The following KLHDC4 variants were observed in gnomAD, a reference collection of about 807,000 sequenced individuals.
KLHDC4 encodes kelch domain-containing protein 4.
In KLHDC4, 90 loss-of-function variants were observed where a neutral mutation model predicts 62.4. The ratio of observed to expected loss-of-function variants is 1.44; its 90% confidence interval spans 1.22 to 1.72. The LOEUF (loss-of-function observed/expected upper bound fraction) is 1.72, where lower values mean the gene tolerates loss of function less well. KLHDC4 is among the 40% of genes most tolerant of loss of function. The pLI is 0.00. For missense variants in KLHDC4, 1,025 were observed against 699.7 expected, an observed-to-expected ratio of 1.47 and a Z score of -5.25; for synonymous variants, 386 against 284.4, an observed-to-expected ratio of 1.36 and a Z score of -3.59.
At chr16:87,707,446 G>A (rs543661313), downstream of KLHDC4, among the ~76,000 whole-genome samples, 32 of 152,252 alleles carry the variant, frequency 2.1e-4, no homozygotes, top group South Asian at 6.2e-4. Context: ...CGCTGCACAC[G>A]AGGAGCCCCC....
chr16:87,751,233 T>C (rs756882407), intron 4 of KLHDC4, among the ~76,000 whole-genome samples: 28 of 152,212 alleles, frequency 1.8e-4, no homozygotes, highest in Non-Finnish European at 3.5e-4. Flanking sequence ...TCCAGTGCTT[T>C]GGGAGGCCGA....
chr16:87,714,346 C>CCG, intron 8 of KLHDC4, 152 bp downstream of exon 8: 1 of 495,324 alleles, frequency 2.0e-6, no homozygotes, highest in Non-Finnish European at 3.0e-6. Context: ...TCCCACCCGG[C>CCG]CCACCCCGAA....
chr16:87,734,985 GACGA>G (rs1241024140), intron 5 of KLHDC4, among the ~76,000 whole-genome samples: 1 of 72,664 alleles, frequency 1.4e-5, no homozygotes, highest in Non-Finnish European at 2.6e-5. Context: ...TCCCCCTCCT[GACGA>G]ATTGCCTGAC....
At position 87,755,201 on chromosome 16, in the gene KLHDC4, G is replaced by A; in HGVS notation, c.362C>T (p.Ala121Val). ...DIPSPPPRRC[A>V]HQAVVVPQGG... The stretch of plus-strand genomic sequence containing the variant: ...AGTCAGTGCTGACATTACCTGGTGA[G>A]CACAGCGCCTCGGAGGTGGACTGGG... The change falls in exon 4 of 12, where the codon GCT (alanine) becomes GTT (valine). Residue 121 changes from alanine to valine, a missense_variant. Ala to Val is a moderately conservative substitution (Grantham distance 64, BLOSUM62 0). Coordinates refer to ENST00000270583, the MANE Select transcript of KLHDC4 (RefSeq NM_017566.4). The A allele has an allele frequency of 2.5e-6, 4 of 1,606,536 alleles. No homozygotes were observed. The highest frequency in any genetic ancestry group is 1.1e-5 in the South Asian group (1 of 90,934).
intron 5 of KLHDC4, among the ~76,000 whole-genome samples, chr16:87,746,701 G>C (rs888649): frequency 0.36 from 54,938 of 152,014 alleles, 10,015 homozygotes; most frequent in East Asian, 0.51. Context: ...AAAAAGAAGA[G>C]AGTGAAGCAC....
intron 1 of KLHDC4, among the ~76,000 whole-genome samples, 158 bp downstream of exon 1, chr16:87,765,634 G>A (rs1291462343): frequency 6.6e-6 from 1 of 152,132 alleles, no homozygotes; most frequent in African/African-American, 2.4e-5. Flanking sequence ...CGTCTGGGCT[G>A]CCCGGACGCG....
chr16:87,756,511 CA>C (rs756999788), intron 2 of KLHDC4, 34 bp from the exon 3 acceptor site: 1 of 1,519,010 alleles, frequency 6.6e-7, no homozygotes. Context: ...TCAGCAAGAT[CA>C]CCCCCGATAC....
chr16:87,714,507 C>T lies in KLHDC4; in HGVS notation c.826G>A (p.Gly276Arg), dbSNP rs932954224. 6.8e-6 allele frequency: 11 copies of T among 1,614,172 alleles called. No homozygotes were observed. Among genetic ancestry groups the T allele is most frequent in the South Asian group, 2.2e-5 (2 of 91,080 alleles). ...GGCACAGCACCTCTACCTTCTCTTC[C>T]GTCCTCTGGCTTCAGCAGGAACATG... ...SDMFLLKPED[G>R]REDKWVWTRM... The change falls in exon 8 of 12, where the codon GGA becomes AGA. Residue 276 changes from glycine to arginine, a missense_variant. Physicochemically the swap from Gly to Arg is moderately radical, Grantham distance 125. Coordinates refer to ENST00000270583, the MANE Select transcript of KLHDC4 (RefSeq NM_017566.4).
At chr16:87,736,624 G>A (rs1170186376) in intron 5 of KLHDC4, among the ~76,000 whole-genome samples, 2 of 152,144 alleles carry the variant, frequency 1.3e-5, no homozygotes, top group African/African-American at 4.8e-5. Context: ...GTAAAGACAG[G>A]GCACTTAATC....
chr16:87,717,545 C>T (rs2037244090), intron 7 of KLHDC4, among the ~76,000 whole-genome samples: 1 of 152,206 alleles, frequency 6.6e-6, no homozygotes, highest in African/African-American at 2.4e-5. Context: ...GTCTGGGTCT[C>T]TTTTGTTCTC....
Position 87,726,850 on chromosome 16 carries a change from C to A in KLHDC4, c.674G>T (p.Gly225Val), listed in dbSNP as rs781571076. ...TFTWSKLSPS[G>V]TGPTPRSGCQ... ...GCCTGATCTGGGTGTGGGCCCCGTC[C>A]CTGACGGGGACAGCTTGCTCCATGT... The change falls in exon 7 of 12, where the codon GGG becomes GTG. Residue 225 changes from glycine to valine, a missense_variant. Gly to Val is a moderately radical substitution (Grantham distance 109). Coordinates refer to ENST00000270583, the MANE Select transcript of KLHDC4 (RefSeq NM_017566.4). 1.2e-6 allele frequency: 2 copies of A among 1,613,336 alleles called. No individual in the cohort carries two copies. Among genetic ancestry groups the A allele is most frequent in the Middle Eastern group, 1.7e-4 (1 of 6,060 alleles).
At position 87,709,202 on chromosome 16, in the gene KLHDC4, G is replaced by C. The variant is rs763427240; in HGVS notation, c.1447+63C>G. 5.8e-6 allele frequency: 9 copies of C among 1,547,346 alleles called. No individual in the cohort carries two copies. In the East Asian group the frequency reaches 1.6e-4, roughly 27 times the overall value. ...CAGCTTGCAGGGCTTGCTTTCGAGG[G>C]ACGCGACACACGACCGTGGGCTCTC... On this transcript the variant is annotated intron_variant, in intron 10 of 11. Transcript: ENST00000270583.
intron 1 of KLHDC4, among the ~76,000 whole-genome samples, chr16:87,765,528 C>T (rs1380721641): frequency 2.0e-5 from 3 of 152,060 alleles, no homozygotes; most frequent in African/African-American, 7.2e-5. Flanking sequence ...CGCAGAAAAA[C>T]GCCCGTGACA....
chr16:87,710,952 T>C, intron 9 of KLHDC4: 2 of 418,826 alleles, frequency 4.8e-6, no homozygotes, highest in South Asian at 3.3e-5. Context: ...AGCAAACCCT[T>C]CTCACACAGA....
At chr16:87,764,810 G>A (rs564315930) in intron 1 of KLHDC4, among the ~76,000 whole-genome samples, 10 of 147,090 alleles carry the variant, frequency 6.8e-5, no homozygotes, top group African/African-American at 2.6e-4. Context: ...CCCAGCCTAG[G>A]TGACAGAGCA....
intron 1 of KLHDC4, among the ~76,000 whole-genome samples, 191 bp downstream of exon 1, chr16:87,765,601 G>A (rs537340362): frequency 2.0e-5 from 3 of 152,098 alleles, no homozygotes; most frequent in African/African-American, 7.2e-5. Flanking sequence ...GACACACGTG[G>A]AGACTCAGGA....
intron 5 of KLHDC4, among the ~76,000 whole-genome samples, chr16:87,747,200 C>T (rs1249854613): frequency 1.3e-5 from 2 of 152,360 alleles, no homozygotes; most frequent in Admixed American, 1.3e-4. Context: ...CCGGAGCCAA[C>T]ACCAGCCTGG....
At chr16:87,721,407 C>CT (rs1489898847) in intron 7 of KLHDC4, among the ~76,000 whole-genome samples, 1 of 127,630 alleles carries the variant, frequency 7.8e-6, no homozygotes, top group Non-Finnish European at 1.6e-5. Context: ...GAGCGAGACT[C>CT]TGTCTCTAAA....
chr16:87,707,307 C>T (rs566173486), downstream of KLHDC4, among the ~76,000 whole-genome samples: 11 of 152,360 alleles, frequency 7.2e-5, no homozygotes, highest in African/African-American at 2.6e-4. Context: ...CCTCGCCCTC[C>T]AGCCTCCCTT....
Sources: gnomAD v4.1 joint callset for allele counts (sites outside exome capture counted in the v4.1 genomes callset) on GRCh38, gnomAD v4.1.1 for gene constraint, MANE v1.5 for transcripts, NCBI Gene and HGNC (gene_info 2026-07-23, HGNC 2026-07-21) for gene names.